PTCHD4: variants seen among roughly 807,000 people sequenced by gnomAD.
The protein encoded by PTCHD4 is patched domain containing 4.
A neutral mutation model predicts 58.1 loss-of-function variants in PTCHD4; 33 were observed. The ratio of observed to expected loss-of-function variants is 0.57; its 90% CI spans 0.43 to 0.76. PTCHD4 has a LOEUF of 0.76. Among genes scored for constraint, PTCHD4 ranks in the 30% least tolerant of loss-of-function variants. PTCHD4 has a pLI of 0.00. For synonymous variants in PTCHD4, 478 were observed against 409.6 expected, an observed-to-expected ratio of 1.17 and a Z score of -2.02; for missense variants, 1,058 against 1,027.1, an observed-to-expected ratio of 1.03 and a Z score of -0.41.
In PTCHD4 at chr6:47,869,619, G is replaced by A. The variant is rs1763664611; in HGVS notation, c.*8684C>T. Among the ~76,000 whole-genome samples, 1 of 151,574 alleles carries A rather than the reference G, an allele frequency of 6.6e-6. No homozygotes were observed. The highest frequency in any genetic ancestry group is 1.5e-5 in the Non-Finnish European group (1 of 67,732). Reference sequence around the variant, plus strand: ...TAAAAATATCTCTCAGGAATGCCAAGACATTTTGTATTTGCTTCAGAATGC... The same window carrying A: ...TAAAAATATCTCTCAGGAATGCCAAAACATTTTGTATTTGCTTCAGAATGC... On this transcript the variant is annotated 3_prime_UTR_variant, in exon 5 of 5. Transcript: ENST00000339488.
intron 4 of PTCHD4, among the ~76,000 whole-genome samples, chr6:47,898,841 A>G (rs1037872126): frequency 5.3e-5 from 8 of 151,864 alleles, no homozygotes; most frequent in Non-Finnish European, 8.8e-5. Context: ...AAGAAAAGAG[A>G]GAAGAAGAAG....
chr6:48,047,980 G>A (rs1582075167), intron 3 of PTCHD4, among the ~76,000 whole-genome samples: 1 of 145,384 alleles, frequency 6.9e-6, no homozygotes, highest in East Asian at 2.0e-4. Flanking sequence ...ATATGAAAAT[G>A]GATATTGTGT....
chr6:47,892,331 C>A (rs1764405727), intron 4 of PTCHD4, among the ~76,000 whole-genome samples: 1 of 152,004 alleles, frequency 6.6e-6, no homozygotes, highest in African/African-American at 2.4e-5. Context: ...GCAGAAATAA[C>A]AATTATGACA....
rs893668983 is a variant in PTCHD4, at chr6:47,859,126, C to T, written c.*19177G>A. Among the ~76,000 whole-genome samples, 4 of 152,014 alleles carry T rather than the reference C, an allele frequency of 2.6e-5. No individual in the cohort carries two copies. Among genetic ancestry groups the T allele is most frequent in the African/African-American group, 9.7e-5 (4 of 41,410 alleles). On this transcript the variant is annotated 3_prime_UTR_variant, in exon 5 of 5. Transcript: ENST00000339488. ...GTAACTTTGTGTATTTGTGTGCATA[C>T]TCTTACAATTCCAGCTGAAAATGGC...
At chr6:48,040,516 A>G (rs1285878108) in intron 3 of PTCHD4, among the ~76,000 whole-genome samples, 2 of 152,146 alleles carry the variant, frequency 1.3e-5, no homozygotes, top group African/African-American at 4.8e-5. Flanking sequence ...AGCTCCCACA[A>G]TGAGGGTTTA....
At chr6:47,926,017 C>A (rs778975382) in intron 4 of PTCHD4, among the ~76,000 whole-genome samples, 5 of 152,110 alleles carry the variant, frequency 3.3e-5, no homozygotes, top group African/African-American at 7.2e-5. Context: ...CTCTTTCTGT[C>A]GAGCCCAATA....
intron 4 of PTCHD4, among the ~76,000 whole-genome samples, chr6:47,988,398 A>G (rs1287638564): frequency 6.6e-6 from 1 of 152,218 alleles, no homozygotes; most frequent in South Asian, 2.1e-4. Flanking sequence ...AAACAGGGTG[A>G]TTGAGTCAAG....
intron 1 of PTCHD4, among the ~76,000 whole-genome samples, chr6:48,085,977 C>A (rs952793386): frequency 6.6e-6 from 1 of 151,714 alleles, no homozygotes; most frequent in Admixed American, 6.6e-5. Flanking sequence ...AAGACTGCAA[C>A]GTTCAGAGTC....
At position 48,069,187 on chromosome 6, in the gene PTCHD4, C is replaced by T. The variant is rs1385661866; in HGVS notation, c.-230G>A. Among the ~76,000 whole-genome samples, 1 of 39,276 alleles carries T rather than the reference C, an allele frequency of 2.5e-5. No homozygotes were observed. Among genetic ancestry groups the T allele is most frequent in the South Asian group, 8.7e-4 (1 of 1,156 alleles). 25.8% of individuals were successfully genotyped at this position (39,276 alleles called of 152,430 possible). Reference sequence around the variant, plus strand: ...GAGAGGAGGGAGAAGGGCGGGAGCACGTTGGGGGTGGGGGGGCAGATAAGC... The same window carrying T: ...GAGAGGAGGGAGAAGGGCGGGAGCATGTTGGGGGTGGGGGGGCAGATAAGC... On this transcript the variant is annotated 5_prime_UTR_variant, in exon 2 of 5. The change creates a new upstream start codon in the 5' untranslated region. Coordinates refer to ENST00000339488, the MANE Select transcript of PTCHD4 (RefSeq NM_001384253.1).
chr6:47,955,706 T>C (rs1305760971), intron 4 of PTCHD4, among the ~76,000 whole-genome samples: 1 of 152,238 alleles, frequency 6.6e-6, no homozygotes, highest in African/African-American at 2.4e-5. Context: ...GTAAGGCTTA[T>C]GTTGTGAAGT....
intron 4 of PTCHD4, chr6:47,899,712 G>A (rs766827761): frequency 4.2e-6 from 1 of 237,488 alleles, no homozygotes; most frequent in Non-Finnish European, 6.8e-6. Flanking sequence ...TGCAATGATT[G>A]CCATAATCAA....
intron 3 of PTCHD4, among the ~76,000 whole-genome samples, chr6:48,050,487 G>A (rs192291660): frequency 1.3e-5 from 2 of 152,000 alleles, no homozygotes; most frequent in Non-Finnish European, 2.9e-5. Context: ...AGGTGCTACA[G>A]TAGGAATACT....
At chr6:48,089,282 A>G (rs1765320079) in intron 1 of PTCHD4, among the ~76,000 whole-genome samples, 1 of 152,216 alleles carries the variant, frequency 6.6e-6, no homozygotes, top group East Asian at 1.9e-4. Flanking sequence ...TTTATTTAAT[A>G]CTTTCCATAA....
intron 4 of PTCHD4, among the ~76,000 whole-genome samples, chr6:47,994,521 C>T (rs1020263092): frequency 6.6e-6 from 1 of 152,046 alleles, no homozygotes; most frequent in Admixed American, 6.6e-5. Flanking sequence ...AAGAGAAAAC[C>T]AATCAGTGAT....
chr6:47,954,735 C>T (rs1054348111), intron 4 of PTCHD4, among the ~76,000 whole-genome samples: 1 of 152,248 alleles, frequency 6.6e-6, no homozygotes, highest in Non-Finnish European at 1.5e-5. Flanking sequence ...GAATATTCCT[C>T]CTATATGTTT....
At chr6:47,909,599 A>G (rs1180571418) in intron 4 of PTCHD4, among the ~76,000 whole-genome samples, 1 of 151,860 alleles carries the variant, frequency 6.6e-6, no homozygotes, top group East Asian at 1.9e-4. Flanking sequence ...CACACGCTGG[A>G]TAATTGTTTT....
At chr6:48,091,148 A>G (rs1466839207) in intron 1 of PTCHD4, among the ~76,000 whole-genome samples, 1 of 152,200 alleles carries the variant, frequency 6.6e-6, no homozygotes, top group Admixed American at 6.6e-5. Flanking sequence ...AACAAAAATC[A>G]TTATATGTTA....
chr6:47,961,995 CAG>C (rs1308470609), intron 4 of PTCHD4, among the ~76,000 whole-genome samples: 4 of 151,272 alleles, frequency 2.6e-5, no homozygotes, highest in Admixed American at 6.6e-5. Context: ...TTTGAGAAGA[CAG>C]AAAAAAATTA....
chr6:47,888,871 T>C (rs950975391), intron 4 of PTCHD4, among the ~76,000 whole-genome samples: 4 of 124,124 alleles, frequency 3.2e-5, no homozygotes, highest in South Asian at 6.3e-4. Context: ...TGTGATCTCA[T>C]TGTTCAATTC....
Sources: gnomAD v4.1 joint callset for allele counts (sites outside exome capture counted in the v4.1 genomes callset) on GRCh38, gnomAD v4.1.1 for gene constraint, MANE v1.5 for transcripts, NCBI Gene and HGNC (gene_info 2026-07-23, HGNC 2026-07-21) for gene names.